Variants in CNTNAP2 observed in about 807,000 individuals in gnomAD.
CNTNAP2 encodes the protein contactin associated protein 2.
A neutral mutation model predicts 155.2 loss-of-function variants in CNTNAP2; 98 were observed. That is an observed-to-expected ratio of 0.63 (90% CI 0.54 to 0.75). The LOEUF (loss-of-function observed/expected upper bound fraction) is 0.75, where lower values mean the gene tolerates loss of function less well. CNTNAP2 is among the 30% of genes least tolerant of loss of function. CNTNAP2 has a pLI of 0.00. For synonymous variants in CNTNAP2, 651 were observed against 631.2 expected (o/e 1.03, Z -0.47); for missense variants, 1,727 against 1,688.1 (o/e 1.02, Z -0.40).
chr7:146,987,613 A>G (rs1798136240), intron 3 of CNTNAP2, among the ~76,000 whole-genome samples: 1 of 152,140 alleles, frequency 6.6e-6, no homozygotes, highest in African/African-American at 2.4e-5. Flanking sequence ...TCTTCTTCGC[A>G]GGTCTTTGAA....
intron 1 of CNTNAP2, among the ~76,000 whole-genome samples, chr7:146,725,444 A>G (rs1165286913): frequency 6.6e-6 from 1 of 152,108 alleles, no homozygotes; most frequent in Non-Finnish European, 1.5e-5. Context: ...TTGGGGAAAT[A>G]TTTAGTTTAT....
intron 1 of CNTNAP2, among the ~76,000 whole-genome samples, chr7:146,685,889 C>A (rs1291275003): frequency 6.6e-6 from 1 of 152,124 alleles, no homozygotes; most frequent in Non-Finnish European, 1.5e-5. Context: ...CAGTCTATAT[C>A]TCTACAGTTA....
At chr7:148,244,041 G>A (rs1404473484) in intron 20 of CNTNAP2, among the ~76,000 whole-genome samples, 2 of 152,214 alleles carry the variant, frequency 1.3e-5, no homozygotes, top group African/African-American at 2.4e-5. Context: ...AGGTTTGGGT[G>A]TAAGGGTATA....
chr7:146,666,501 T>C (rs1339308598), intron 1 of CNTNAP2, among the ~76,000 whole-genome samples: 1 of 152,200 alleles, frequency 6.6e-6, no homozygotes, highest in Admixed American at 6.5e-5. Context: ...TTCATCTCCT[T>C]TGGGTAAATG....
intron 3 of CNTNAP2, among the ~76,000 whole-genome samples, chr7:146,980,934 A>G (rs1249160504): frequency 6.6e-6 from 1 of 152,148 alleles, no homozygotes; most frequent in Non-Finnish European, 1.5e-5. Context: ...AAAACAGACA[A>G]GAGAAGTCAC....
intron 13 of CNTNAP2, among the ~76,000 whole-genome samples, chr7:147,650,577 T>C (rs1220456790): frequency 1.3e-5 from 2 of 152,208 alleles, no homozygotes; most frequent in Non-Finnish European, 2.9e-5. Context: ...TTTAATTTTC[T>C]TAATAACATT....
chr7:146,811,883 C>G (rs1040349459), intron 2 of CNTNAP2, among the ~76,000 whole-genome samples: 2 of 152,138 alleles, frequency 1.3e-5, no homozygotes, highest in African/African-American at 4.8e-5. Flanking sequence ...CTCTCTCTTG[C>G]TGCCCTGTGA....
chr7:147,515,996 A>C (rs1476781091), intron 11 of CNTNAP2, among the ~76,000 whole-genome samples: 1 of 152,248 alleles, frequency 6.6e-6, no homozygotes, highest in Non-Finnish European at 1.5e-5. Flanking sequence ...ATTTAAGTAT[A>C]GATCTTAAAA....
chr7:147,538,884 G>A (rs1799594025), intron 11 of CNTNAP2, among the ~76,000 whole-genome samples: 1 of 152,044 alleles, frequency 6.6e-6, no homozygotes, highest in South Asian at 2.1e-4. Context: ...GATGCTCCAG[G>A]GAGTGTGTTT....
intron 1 of CNTNAP2, among the ~76,000 whole-genome samples, chr7:146,143,647 C>T (rs1253272983): frequency 1.3e-5 from 2 of 152,106 alleles, no homozygotes; most frequent in African/African-American, 2.4e-5. Flanking sequence ...TATCTACTCT[C>T]CTAAATAGAT....
intron 3 of CNTNAP2, among the ~76,000 whole-genome samples, chr7:146,876,758 A>G (rs188316564): frequency 2.6e-5 from 4 of 152,264 alleles, no homozygotes; most frequent in East Asian, 1.9e-4. Flanking sequence ...CAATGATCCA[A>G]TACACATTAT....
chr7:146,487,666 A>G (rs953587098), intron 1 of CNTNAP2, among the ~76,000 whole-genome samples: 3 of 152,222 alleles, frequency 2.0e-5, no homozygotes, highest in Admixed American at 6.5e-5. Flanking sequence ...TTCAGAATAT[A>G]TGATTGCCAT....
chr7:147,290,512 C>G (rs1805279936), intron 8 of CNTNAP2, among the ~76,000 whole-genome samples: 1 of 151,890 alleles, frequency 6.6e-6, no homozygotes, highest in Non-Finnish European at 1.5e-5. Flanking sequence ...GAAACCCTGT[C>G]TCTACTAAAA....
intron 11 of CNTNAP2, among the ~76,000 whole-genome samples, chr7:147,523,509 A>G (rs549735415): frequency 3.9e-5 from 6 of 152,312 alleles, no homozygotes; most frequent in African/African-American, 1.2e-4. Context: ...TCACCGTAGA[A>G]GCTTTCCTAC....
intron 19 of CNTNAP2, among the ~76,000 whole-genome samples, chr7:148,224,415 C>T (rs368124677): frequency 1.3e-5 from 2 of 152,020 alleles, no homozygotes; most frequent in Non-Finnish European, 2.9e-5. Context: ...AGGAGGAGAT[C>T]GTATTTTCTA....
rs1376235594 is a variant in CNTNAP2, at chr7:146,907,318, C to T, written c.402+67414C>T. On this transcript the variant is annotated intron_variant, in intron 3 of 23. Transcript: ENST00000361727. ...CAGAGAACGCCACAAAGATACTCCT[C>T]GAGAAGAGCAACTCCAAGACACATA... is the stretch of plus-strand genomic sequence containing the variant. Among the ~76,000 whole-genome samples the T allele has an allele frequency of 9.8e-5, 14 of 143,360 alleles. No homozygotes were observed. In the East Asian group the frequency reaches 2.1e-3, roughly 21 times the overall value. The allele number at this position is 143,360 out of a possible 152,430, so 94.0% of individuals were successfully genotyped here. A position where few individuals can be genotyped will look rare whatever the true frequency, so the allele number is the denominator to read the frequency against.
chr7:148,209,937 C>G (rs1390687168), intron 18 of CNTNAP2, among the ~76,000 whole-genome samples: 7 of 152,216 alleles, frequency 4.6e-5, no homozygotes, highest in Admixed American at 4.6e-4. Context: ...ATGCTCTTTT[C>G]TCTTCCTAGA....
At chr7:146,336,448 A>T (rs1439962686) in intron 1 of CNTNAP2, among the ~76,000 whole-genome samples, 2 of 152,128 alleles carry the variant, frequency 1.3e-5, no homozygotes, top group Non-Finnish European at 2.9e-5. Context: ...AAAACTACAA[A>T]CTTTTAGAAT....
chr7:146,247,625 G>C (rs935874168), intron 1 of CNTNAP2, among the ~76,000 whole-genome samples: 2 of 152,124 alleles, frequency 1.3e-5, no homozygotes, highest in African/African-American at 4.8e-5. Context: ...CCCATTTTAC[G>C]ACAATAATTA....
Sources: gnomAD v4.1 joint callset for allele counts (sites outside exome capture counted in the v4.1 genomes callset) on GRCh38, gnomAD v4.1.1 for gene constraint, MANE v1.5 for transcripts, NCBI Gene and HGNC (gene_info 2026-07-23, HGNC 2026-07-21) for gene names.